The following ANKMY1 variants were observed in gnomAD, a reference collection of about 807,000 sequenced individuals.
ANKMY1 encodes ankyrin repeat and MYND domain containing 1.
A neutral mutation model predicts 102.0 loss-of-function variants in ANKMY1; 98 were observed. That is an observed-to-expected ratio of 0.96 (90% CI 0.82 to 1.14). The LOEUF (loss-of-function observed/expected upper bound fraction) is 1.14. Among genes scored for constraint, ANKMY1 ranks in the 50% most tolerant of loss-of-function variants. The probability of loss-of-function intolerance (pLI) is 0.00; values close to 1 mark genes in which losing one functional copy is unlikely to be tolerated. For missense variants in ANKMY1, 1,330 were observed against 1,347.6 expected (o/e 0.99, Z 0.20); for synonymous variants, 582 against 559.9 (o/e 1.04, Z -0.56).
the ANKMY1 span, among the ~76,000 whole-genome samples, chr2:240,473,761 C>A: frequency 6.6e-6 from 1 of 152,034 alleles, no homozygotes; most frequent in Non-Finnish European, 1.5e-5. Context: ...TAAAGGATAA[C>A]AATCATATGG....
rs148452586 is a variant in ANKMY1 at position 240,526,261 on chromosome 2, C to A, written c.1138G>T (p.Ala380Ser). The A allele has an allele frequency of 3.7e-6, 6 of 1,614,110 alleles. No individual in the cohort carries two copies. Among genetic ancestry groups the A allele is most frequent in the African/African-American group, 2.7e-5 (2 of 75,046 alleles). Residue 380 changes from alanine (A) to serine (S), a missense_variant, in exon 6 of 18, where the codon GCA becomes TCA. Transcript: ENST00000401804. ...GCAGCAAGCACAGTGTAGCCCTTTGCGTCCGCCACGTCAGCACTAGCAAAG... is the reference window on the plus strand; with the variant it reads ...GCAGCAAGCACAGTGTAGCCCTTTGAGTCCGCCACGTCAGCACTAGCAAAG... ...DNFASADVAD[A>S]KGYTVLAAAA...
In ANKMY1 at chr2:240,485,329, AAG is replaced by A. The variant is rs1295816986; in HGVS notation, c.2807-3070_2807-3069del. 6.0e-5 allele frequency among the ~76,000 whole-genome samples: 9 copies of A among 150,904 alleles called. 1 individual carries two copies. The highest frequency in any genetic ancestry group is 1.3e-4 in the Admixed American group (2 of 15,158). ...GGCGACAGAGCGAGACTCCGTCTCA[AAG>A]AAAAAAAAAAAGAAACAAAAATAGT... is the stretch of plus-strand genomic sequence containing the variant. On this transcript the variant is annotated intron_variant, in intron 15 of 17. Coordinates refer to ENST00000401804, the MANE Select transcript of ANKMY1 (RefSeq NM_001282771.3).
At chr2:240,470,751 G>A in the ANKMY1 span, among the ~76,000 whole-genome samples, 1 of 152,198 alleles carries the variant, frequency 6.6e-6, no homozygotes, top group Non-Finnish European at 1.5e-5. Flanking sequence ...AAAGATCACA[G>A]CAACACAGTA....
At chr2:240,527,156 G>T in intron 5 of ANKMY1, 1 of 227,976 alleles carries the variant, frequency 4.4e-6, no homozygotes, top group Non-Finnish European at 6.6e-6. Flanking sequence ...AGATGGATAA[G>T]TGGGTGGGTA....
downstream of ANKMY1, among the ~76,000 whole-genome samples, chr2:240,478,798 C>T (rs2075035626): frequency 6.6e-6 from 1 of 152,148 alleles, no homozygotes; most frequent in South Asian, 2.1e-4. Context: ...CGGGGTCTCA[C>T]CTGCTTGGCT....
intron 13 of ANKMY1, among the ~76,000 whole-genome samples, chr2:240,504,196 C>A (rs2078680977): frequency 6.6e-6 from 1 of 152,192 alleles, no homozygotes; most frequent in Non-Finnish European, 1.5e-5. Flanking sequence ...ACCCAGGCAG[C>A]CCAGGCCTCT....
Position 240,554,975 on chromosome 2 carries a change from A to G in ANKMY1, c.227T>C (p.Ile76Thr). ...LRAQDLRESY[I>T]QLVQGVQEWQ... ...CTCCTGCACACCCTGGACGAGCTGG[A>G]TGTAGGACTCCCTCAGGTCCTGCGC... The change falls in exon 3 of 18, where the codon ATC becomes ACC. Residue 76 changes from isoleucine to threonine, a missense_variant. Physicochemically the swap from Ile to Thr is moderately conservative, Grantham distance 89. Coordinates refer to ENST00000401804, the MANE Select transcript of ANKMY1 (RefSeq NM_001282771.3). The G allele has an allele frequency of 1.2e-6, 2 of 1,614,168 alleles. No individual in the cohort carries two copies. The highest frequency in any genetic ancestry group is 1.7e-6 in the Non-Finnish European group (2 of 1,180,008).
intron 13 of ANKMY1, 120 bp from the exon 14 acceptor site, chr2:240,500,685 G>T: frequency 1.3e-6 from 1 of 752,544 alleles, no homozygotes; most frequent in Non-Finnish European, 2.2e-6. Context: ...CCCTTGCAGT[G>T]TGCGGGAATG....
intron 4 of ANKMY1, among the ~76,000 whole-genome samples, chr2:240,542,803 T>TA (rs1235199604): frequency 6.7e-6 from 1 of 149,936 alleles, no homozygotes; most frequent in African/African-American, 2.4e-5. Flanking sequence ...AGAGCACTTA[T>TA]AAATTAAGTA....
At position 240,525,720 on chromosome 2, in the gene ANKMY1, G is replaced by C. The variant is rs780292417; in HGVS notation, c.1300C>G (p.Pro434Ala). The change falls in exon 7 of 18, where the codon CCC (proline) becomes GCC (alanine). Residue 434 changes from proline (P) to alanine (A), a missense_variant. Physicochemically the swap from Pro to Ala is conservative, Grantham distance 27. Coordinates refer to ENST00000401804, the MANE Select transcript of ANKMY1 (RefSeq NM_001282771.3). ...LLHYPAQSFKPNVAERTIPEP... is the reference protein window; with the variant it reads ...LLHYPAQSFKANVAERTIPEP... ...GGTATGGTCCGTTCAGCAACATTGG[G>C]CTTGAAGGACTGGGCGGGGTAGTGG... The C allele has an allele frequency of 1.9e-6, 3 of 1,614,128 alleles. No homozygotes were observed. Among genetic ancestry groups the C allele is most frequent in the Admixed American group, 1.7e-5 (1 of 60,020 alleles).
At chr2:240,492,849 C>A (rs182378745) in intron 15 of ANKMY1, among the ~76,000 whole-genome samples, 113 of 152,234 alleles carry the variant, frequency 7.4e-4, no homozygotes, top group African/African-American at 2.7e-3. Flanking sequence ...CACCACCACA[C>A]CCAGCTCATT....
Position 240,552,947 on chromosome 2 carries a change from G to A in ANKMY1, c.447C>T (p.Tyr149=), listed in dbSNP as rs202087165. 1.0e-4 allele frequency: 169 copies of A among 1,613,940 alleles called. No homozygotes were observed. The highest frequency in any genetic ancestry group is 3.3e-4 in the East Asian group (15 of 44,870). Residue 149 remains tyrosine (Y), a synonymous_variant, in exon 4 of 18, where the codon TAC becomes TAT. Coordinates refer to ENST00000401804, the MANE Select transcript of ANKMY1 (RefSeq NM_001282771.3). ...GTFYLSHREG[Y]GTMYMKTRLF... ...GCCGTGTCTTCATGTACATGGTGCC[G>A]TAGCCTTCTCGGTGGCTGAGGTAAA...
At chr2:240,469,136 G>T in the ANKMY1 span, among the ~76,000 whole-genome samples, 1 of 152,240 alleles carries the variant, frequency 6.6e-6, no homozygotes, top group South Asian at 2.1e-4. Context: ...CAGCCGGCAG[G>T]ATCTCAGGCT....
In ANKMY1 at chr2:240,553,074, T is replaced by G. The variant is rs1335509808; in HGVS notation, c.337-17A>C. ...ATGGTATGACTGTGAGATGGAGAAGTTGGTGAGAAATTGCTGCTCTTCCAG... is the reference window on the plus strand; with the variant it reads ...ATGGTATGACTGTGAGATGGAGAAGGTGGTGAGAAATTGCTGCTCTTCCAG... On this transcript the variant is annotated splice_polypyrimidine_tract_variant and intron_variant, in intron 3 of 17. Transcript: ENST00000401804. 4 of 1,610,230 alleles carry G rather than the reference T, an allele frequency of 2.5e-6. No homozygotes were observed. In the African/African-American group the frequency reaches 5.4e-5, roughly 22 times the overall value.
intron 7 of ANKMY1, among the ~76,000 whole-genome samples, chr2:240,525,412 C>T (rs555549970): frequency 6.6e-6 from 1 of 152,358 alleles, no homozygotes; most frequent in East Asian, 1.9e-4. Flanking sequence ...ACTCTCCCTC[C>T]ACAGCACCCC....
chr2:240,526,871 A>C, intron 5 of ANKMY1: 1 of 1,152,038 alleles, frequency 8.7e-7, no homozygotes, highest in Non-Finnish European at 1.1e-6. Context: ...TGAGTAGACA[A>C]CATGCATTAT....
At chr2:240,557,505 G>A (rs1455414004) in intron 1 of ANKMY1, 153 bp from the exon 2 acceptor site, 22 of 813,260 alleles carry the variant, frequency 2.7e-5, no homozygotes, top group East Asian at 1.3e-4. Flanking sequence ...CACAGGTCCC[G>A]GACCACCATC....
chr2:240,491,668 A>C (rs920736896), intron 15 of ANKMY1, among the ~76,000 whole-genome samples: 2 of 152,270 alleles, frequency 1.3e-5, no homozygotes, highest in Admixed American at 1.3e-4. Context: ...TTTATGAAAG[A>C]TAATTTTGCT....
At chr2:240,507,783 C>T (rs1279421868) in intron 12 of ANKMY1, 92 bp from the exon 13 acceptor site, 18 of 1,426,466 alleles carry the variant, frequency 1.3e-5, no homozygotes, top group Middle Eastern at 1.9e-4. Context: ...CCAGAACTAA[C>T]CCCTGAAAGC....
Sources: allele counts gnomAD v4.1 joint callset (sites outside exome capture counted in the v4.1 genomes callset), GRCh38; gene constraint gnomAD v4.1.1; transcripts MANE v1.5; gene names NCBI Gene and HGNC (gene_info 2026-07-23, HGNC 2026-07-21).